LRFN2: variants seen among roughly 807,000 people sequenced by gnomAD.
LRFN2 encodes leucine-rich repeat and fibronectin type-III domain-containing protein 2.
A neutral mutation model predicts 37.3 loss-of-function variants in LRFN2; 18 were observed. The ratio of observed to expected loss-of-function variants is 0.48; its 90% CI spans 0.33 to 0.72. The LOEUF (loss-of-function observed/expected upper bound fraction) is 0.72. LRFN2 is among the 30% of genes least tolerant of loss of function. The probability of loss-of-function intolerance (pLI) is 0.02; values close to 1 mark genes in which losing one functional copy is unlikely to be tolerated. For synonymous variants in LRFN2, 556 were observed against 466.6 expected (o/e 1.19, Z -2.47); for missense variants, 1,006 against 1,060.7 (o/e 0.95, Z 0.72).
intron 1 of LRFN2, among the ~76,000 whole-genome samples, chr6:40,453,645 C>T (rs1321137672): frequency 6.6e-6 from 1 of 152,088 alleles, no homozygotes; most frequent in Non-Finnish European, 1.5e-5. Context: ...TAAAAAGACA[C>T]TCTTTTCCTC....
intron 1 of LRFN2, among the ~76,000 whole-genome samples, chr6:40,494,995 C>T (rs1305822690): frequency 6.6e-6 from 1 of 152,238 alleles, no homozygotes; most frequent in Non-Finnish European, 1.5e-5. Flanking sequence ...TAAACCCAAT[C>T]ATCCATCTGC....
intron 1 of LRFN2, among the ~76,000 whole-genome samples, chr6:40,446,757 G>C (rs1366728180): frequency 6.6e-6 from 1 of 152,232 alleles, no homozygotes; most frequent in Non-Finnish European, 1.5e-5. Context: ...TGCAGGCAGG[G>C]AATAAATGAT....
intron 2 of LRFN2, 91 bp from the exon 3 acceptor site, chr6:40,393,003 G>T: frequency 9.7e-7 from 1 of 1,028,802 alleles, no homozygotes; most frequent in Non-Finnish European, 1.4e-6. Flanking sequence ...CAGAGTGACA[G>T]AGATGGGGAG....
intron 1 of LRFN2, among the ~76,000 whole-genome samples, chr6:40,514,561 C>T (rs894209343): frequency 2.6e-5 from 4 of 152,052 alleles, no homozygotes; most frequent in Non-Finnish European, 5.9e-5. Flanking sequence ...GTGATCTGCC[C>T]GCCTTGGCCT....
intron 1 of LRFN2, among the ~76,000 whole-genome samples, chr6:40,444,576 CG>C (rs1763921902): frequency 6.6e-6 from 1 of 152,130 alleles, no homozygotes; most frequent in African/African-American, 2.4e-5. Flanking sequence ...CACTTACAAC[CG>C]GATACAGCAG....
intron 2 of LRFN2, among the ~76,000 whole-genome samples, chr6:40,411,787 C>G (rs753449278): frequency 1.3e-5 from 2 of 152,060 alleles, no homozygotes; most frequent in Admixed American, 1.3e-4. Context: ...CCCACCACCC[C>G]CAGCACCCTG....
intron 1 of LRFN2, chr6:40,502,121 G>T (rs1765397963): frequency 6.6e-6 from 1 of 152,214 alleles, no homozygotes; most frequent in Admixed American, 6.5e-5. Flanking sequence ...AGAGCACCCT[G>T]TCTTTGCTAC....
At chr6:40,552,793 T>A (rs1282017703) in intron 1 of LRFN2, among the ~76,000 whole-genome samples, 1 of 152,204 alleles carries the variant, frequency 6.6e-6, no homozygotes, top group Non-Finnish European at 1.5e-5. Context: ...TTTTTCATAT[T>A]TGCATATTCC....
intron 1 of LRFN2, among the ~76,000 whole-genome samples, chr6:40,443,519 C>A (rs1174185220): frequency 6.6e-6 from 1 of 152,184 alleles, no homozygotes; most frequent in East Asian, 1.9e-4. Context: ...CATGCACATA[C>A]TACAAATGCT....
At position 40,431,847 on chromosome 6, in the gene LRFN2, C is replaced by G; in HGVS notation, c.1267G>C (p.Glu423Gln). 1 of 1,584,372 alleles carries G rather than the reference C, an allele frequency of 6.3e-7. No individual in the cohort carries two copies. The highest frequency in any genetic ancestry group is 8.6e-7 in the Non-Finnish European group (1 of 1,163,732). The change falls in exon 2 of 3, where the codon GAA becomes CAA. Residue 423 changes from glutamate (E) to glutamine (Q), a missense_variant. By Grantham distance (29) the Glu-to-Gln change is conservative (BLOSUM62 2). This residue lies in a region of LRFN2 where 303 missense variants were observed against 299.8 expected (regional missense o/e 1.01). Transcript: ENST00000338305. ...ACTTCAGACACAAGCACAGCCCGTTCCGGGGGGCTTTTGGGAGGCTCTCCG... is the reference window on the plus strand; with the variant it reads ...ACTTCAGACACAAGCACAGCCCGTTGCGGGGGGCTTTTGGGAGGCTCTCCG... ...GGGEPPKSPP[E>Q]RAVLVSEVTT...
rs72853021 is a variant in LRFN2 at position 40,536,397 on chromosome 6, C to T, written c.-19+50544G>A. On this transcript the variant is annotated intron_variant, in intron 1 of 2. Transcript: ENST00000338305. ...GTCAAAGTCACTGCCTTCCTGGAAC[C>T]GAACCCAGAACATGTATTACACACA... 7.2e-4 allele frequency among the ~76,000 whole-genome samples: 109 copies of T among 152,242 alleles called. 1 individual carries two copies. The highest frequency in any genetic ancestry group is 5.4e-3 in the South Asian group (26 of 4,822).
At chr6:40,415,055 C>T (rs1763065542) in intron 2 of LRFN2, among the ~76,000 whole-genome samples, 1 of 152,202 alleles carries the variant, frequency 6.6e-6, no homozygotes, top group African/African-American at 2.4e-5. Context: ...GACCCCACAT[C>T]TGCAAAGAGA....
intron 1 of LRFN2, among the ~76,000 whole-genome samples, chr6:40,482,488 C>A (rs576450814): frequency 2.6e-5 from 4 of 152,328 alleles, no homozygotes; most frequent in African/African-American, 9.6e-5. Flanking sequence ...GCCTGCCCAG[C>A]CATCTCCAGC....
chr6:40,419,335 T>C (rs998953837), intron 2 of LRFN2, among the ~76,000 whole-genome samples: 4 of 152,190 alleles, frequency 2.6e-5, no homozygotes, highest in Non-Finnish European at 5.9e-5. Flanking sequence ...TTGACGTTCA[T>C]TTCTGCAGGT....
intron 1 of LRFN2, among the ~76,000 whole-genome samples, chr6:40,437,170 C>T (rs1763702558): frequency 6.6e-6 from 1 of 152,174 alleles, no homozygotes; most frequent in East Asian, 1.9e-4. Context: ...CCCCTGGGCC[C>T]AGGGCCAAGG....
At chr6:40,459,691 C>T (rs1297073127) in intron 1 of LRFN2, among the ~76,000 whole-genome samples, 1 of 152,230 alleles carries the variant, frequency 6.6e-6, no homozygotes, top group Non-Finnish European at 1.5e-5. Context: ...TACCAAGGCA[C>T]TTTCACCTAT....
chr6:40,534,479 G>C (rs1003449537), intron 1 of LRFN2, among the ~76,000 whole-genome samples: 4 of 152,052 alleles, frequency 2.6e-5, no homozygotes, highest in African/African-American at 9.7e-5. Context: ...GCAGTACCTG[G>C]CTCTGCAACG....
chr6:40,577,902 G>A (rs2113798518), intron 1 of LRFN2, among the ~76,000 whole-genome samples: 1 of 152,180 alleles, frequency 6.6e-6, no homozygotes, highest in South Asian at 2.1e-4. Context: ...AGGTGTTGGG[G>A]TGGGTAGGAA....
At chr6:40,456,304 G>T (rs1211987566) in intron 1 of LRFN2, among the ~76,000 whole-genome samples, 1 of 152,226 alleles carries the variant, frequency 6.6e-6, no homozygotes. Context: ...CCAGAAGTGT[G>T]AATTCATTTC....
Sources: gnomAD v4.1 joint callset for allele counts (sites outside exome capture counted in the v4.1 genomes callset) on GRCh38, gnomAD v4.1.1 for gene constraint, gnomAD v4.1.1 regional missense constraint, MANE v1.5 for transcripts, NCBI Gene and HGNC (gene_info 2026-07-23, HGNC 2026-07-21) for gene names.